CADM2: variants seen among roughly 807,000 people sequenced by gnomAD.
CADM2 encodes immunoglobulin superfamily member 4D.
In CADM2, 12 loss-of-function variants were observed where a neutral mutation model predicts 49.8. That is an observed-to-expected ratio of 0.24 (90% CI 0.15 to 0.39). The LOEUF is 0.39. Among genes scored for constraint, CADM2 ranks in the 10% least tolerant of loss-of-function variants. CADM2 has a pLI of 1.00. For synonymous variants in CADM2, 214 were observed against 175.4 expected (o/e 1.22, Z -1.74); for missense variants, 378 against 492.3 (o/e 0.77, Z 2.20).
At chr3:85,823,714 A>T (rs2073737977) in intron 3 of CADM2, among the ~76,000 whole-genome samples, 1 of 152,170 alleles carries the variant, frequency 6.6e-6, no homozygotes, top group Non-Finnish European at 1.5e-5. Context: ...TTTCATTTTA[A>T]GCAAATCTAT....
chr3:85,732,271 G>GAAAA (rs955439120), intron 2 of CADM2, among the ~76,000 whole-genome samples: 3 of 150,824 alleles, frequency 2.0e-5, no homozygotes, highest in Non-Finnish European at 4.4e-5. Flanking sequence ...AAAAAAAAAA[G>GAAAA]AAAAAAAGTG....
chr3:85,041,531 A>T (rs1240597294), intron 1 of CADM2, among the ~76,000 whole-genome samples: 1 of 152,150 alleles, frequency 6.6e-6, no homozygotes, highest in Non-Finnish European at 1.5e-5. Flanking sequence ...AAATCGTATG[A>T]CTTTTCCACC....
chr3:85,498,809 TA>T (rs1263638248), intron 1 of CADM2, among the ~76,000 whole-genome samples: 1 of 152,188 alleles, frequency 6.6e-6, no homozygotes, highest in African/African-American at 2.4e-5. Context: ...TTGTATTTAC[TA>T]ATTCAGTGTT....
chr3:85,639,287 G>A (rs1017294430), intron 1 of CADM2, among the ~76,000 whole-genome samples: 3 of 152,176 alleles, frequency 2.0e-5, no homozygotes, highest in Non-Finnish European at 4.4e-5. Flanking sequence ...AGAAGTAGAT[G>A]TATGTGAAAA....
chr3:85,829,208 C>T (rs2074067301), intron 3 of CADM2, among the ~76,000 whole-genome samples: 1 of 151,794 alleles, frequency 6.6e-6, no homozygotes, highest in South Asian at 2.1e-4. Flanking sequence ...TTAATAGTAG[C>T]CATTCAAGAT....
intron 1 of CADM2, among the ~76,000 whole-genome samples, chr3:85,018,097 G>A (rs570380229): frequency 1.8e-4 from 27 of 152,112 alleles, no homozygotes; most frequent in African/African-American, 2.4e-4. Flanking sequence ...ACATGTGACC[G>A]TTCTATTATT....
At position 85,567,305 on chromosome 3, in the gene CADM2, G is replaced by A. The variant is rs532668269; in HGVS notation, c.62-159217G>A. 4.6e-5 allele frequency among the ~76,000 whole-genome samples: 7 copies of A among 152,218 alleles called. No individual in the cohort carries two copies. In the East Asian group the frequency reaches 1.2e-3, roughly 25 times the overall value. ...GCAATGTACAACATACAAACCACAG[G>A]CCTTTACTGCCTTACTTTTCCATGA... On this transcript the variant is annotated intron_variant, in intron 1 of 9. Transcript: ENST00000383699.
At chr3:85,590,558 A>G (rs1252929473) in intron 1 of CADM2, among the ~76,000 whole-genome samples, 2 of 152,028 alleles carry the variant, frequency 1.3e-5, no homozygotes, top group Non-Finnish European at 2.9e-5. Flanking sequence ...GTACTGTGAC[A>G]GTAAGAAAAT....
At chr3:86,013,893 C>A in intron 8 of CADM2, 1 of 1,594,960 alleles carries the variant, frequency 6.3e-7, no homozygotes, top group Non-Finnish European at 8.6e-7. Flanking sequence ...AGAAAAATAT[C>A]CCCAAGCTAT....
intron 1 of CADM2, among the ~76,000 whole-genome samples, chr3:85,606,409 G>A (rs1001494980): frequency 2.0e-5 from 3 of 152,068 alleles, no homozygotes; most frequent in Non-Finnish European, 2.9e-5. Flanking sequence ...TGGAGTGCCC[G>A]CAGCTTAGTT....
chr3:85,035,261 C>G (rs2035164393), intron 1 of CADM2, among the ~76,000 whole-genome samples: 1 of 152,044 alleles, frequency 6.6e-6, no homozygotes, highest in South Asian at 2.1e-4. Context: ...ATTTTTAAAT[C>G]CGATTATTAG....
chr3:85,014,437 A>C (rs953067920), intron 1 of CADM2, among the ~76,000 whole-genome samples: 2 of 147,860 alleles, frequency 1.4e-5, no homozygotes, highest in African/African-American at 4.9e-5. Context: ...TAGGAAAAAA[A>C]CATAGTGTGC....
chr3:85,718,770 A>T (rs1484115301), intron 1 of CADM2, among the ~76,000 whole-genome samples: 2 of 151,744 alleles, frequency 1.3e-5, no homozygotes, highest in Non-Finnish European at 2.9e-5. Context: ...GTAATTATAT[A>T]GATTACTGAA....
At chr3:85,099,319 A>C (rs1354654611) in intron 1 of CADM2, among the ~76,000 whole-genome samples, 2 of 152,198 alleles carry the variant, frequency 1.3e-5, no homozygotes, top group Non-Finnish European at 2.9e-5. Flanking sequence ...ATGGCATAAG[A>C]TTGAAAACTC....
intron 1 of CADM2, among the ~76,000 whole-genome samples, chr3:85,634,468 T>C (rs1374264972): frequency 1.3e-5 from 2 of 152,074 alleles, no homozygotes; most frequent in African/African-American, 4.8e-5. Flanking sequence ...ACCTAATTGC[T>C]GGTTCTAATT....
chr3:85,824,429 C>T (rs1291693935), intron 3 of CADM2, among the ~76,000 whole-genome samples: 1 of 125,010 alleles, frequency 8.0e-6, no homozygotes, highest in African/African-American at 3.0e-5. Flanking sequence ...AACAAAAAAA[C>T]TCAAGGTGAG....
chr3:85,366,434 C>T (rs944920131), intron 1 of CADM2, among the ~76,000 whole-genome samples: 1 of 152,116 alleles, frequency 6.6e-6, no homozygotes, highest in Non-Finnish European at 1.5e-5. Flanking sequence ...TGCCAAAATG[C>T]AGTGAACCAA....
chr3:85,157,856 A>G (rs1164738529), intron 1 of CADM2, among the ~76,000 whole-genome samples: 1 of 152,230 alleles, frequency 6.6e-6, no homozygotes, highest in Non-Finnish European at 1.5e-5. Context: ...TAATTAAACT[A>G]AAGAGCTTCT....
chr3:85,550,040 A>T (rs186326279), intron 1 of CADM2, among the ~76,000 whole-genome samples: 1 of 152,156 alleles, frequency 6.6e-6, no homozygotes, highest in East Asian at 1.9e-4. Context: ...AATTTATTTC[A>T]TAATCCCAAC....
Sources: gnomAD v4.1 joint callset for allele counts (sites outside exome capture counted in the v4.1 genomes callset) on GRCh38, gnomAD v4.1.1 for gene constraint, MANE v1.5 for transcripts, NCBI Gene and HGNC (gene_info 2026-07-23, HGNC 2026-07-21) for gene names.